KCNQ4: variants seen among roughly 807,000 people sequenced by gnomAD.
KCNQ4 encodes the protein potassium voltage-gated channel subfamily KQT member 4.
In KCNQ4, 31 loss-of-function variants were observed where a neutral mutation model predicts 72.6. The observed-to-expected ratio is 0.43, with a 90% confidence interval of 0.32 to 0.58. The LOEUF (loss-of-function observed/expected upper bound fraction) is 0.58. Ranked by LOEUF, KCNQ4 falls within the 20% of genes least tolerant of loss-of-function variation. KCNQ4 has a pLI of 0.08. For missense variants in KCNQ4, 869 were observed against 962.6 expected (o/e 0.90, Z 1.29); for synonymous variants, 405 against 403.7 (o/e 1.00, Z -0.04).
rs775301465 is a variant in KCNQ4 at position 40,837,794 on chromosome 1, G to A, written c.1875G>A (p.Gln625=). The change falls in exon 13 of 14, where the codon CAG becomes CAA. Residue 625 remains glutamine, a splice_region_variant and synonymous_variant. Transcript: ENST00000347132. The part of the protein sequence containing the change: ...MMGRVVKVEK[Q]VQSIEHKLDL... ...GACGCGTGGTCAAGGTGGAGAAGCA[G>A]GTGAGTGTAGGATGGGGTGGCGGAG... The A allele has an allele frequency of 3.7e-6, 6 of 1,606,782 alleles. No homozygotes were observed. The highest frequency in any genetic ancestry group is 5.1e-6 in the Non-Finnish European group (6 of 1,177,210).
chr1:40,792,982 C>CTTTCT (rs376895043), intron 1 of KCNQ4, among the ~76,000 whole-genome samples: 3 of 142,644 alleles, frequency 2.1e-5, no homozygotes, highest in East Asian at 2.0e-4. Context: ...GTGGGCCCTT[C>CTTTCT]TTTCTTTTCT....
rs776036290 is a variant in KCNQ4, at chr1:40,819,985, C to G, written c.945C>G (p.Ala315=). The change falls in exon 6 of 14, where the codon GCC becomes GCG. Residue 315 remains alanine, a splice_region_variant and synonymous_variant. Coordinates refer to ENST00000347132, the MANE Select transcript of KCNQ4 (RefSeq NM_004700.4). ...LLGISFFALP[A]GILGSGFALK... ...GCATCTCTTTCTTTGCCCTGCCTGC[C>G]GTGAGTTGCCTCCTGCTCAGTTGGT... The G allele has an allele frequency of 6.2e-7, 1 of 1,612,842 alleles. No homozygotes were observed. Among genetic ancestry groups the G allele is most frequent in the Admixed American group, 1.7e-5 (1 of 60,034 alleles).
In KCNQ4 at chr1:40,827,492, G is replaced by T. The variant is rs143480349; in HGVS notation, c.1292+3234G>T. Among the ~76,000 whole-genome samples, 315 of 152,294 alleles carry T rather than the reference G, an allele frequency of 2.1e-3. 1 individual carries two copies. Among genetic ancestry groups the T allele is most frequent in the Non-Finnish European group, 3.7e-3 (250 of 68,012 alleles). On this transcript the variant is annotated intron_variant, in intron 9 of 13. Coordinates refer to ENST00000347132, the MANE Select transcript of KCNQ4 (RefSeq NM_004700.4). ...GGCCCCCCTGAGACTGGACATCAGA[G>T]CGAAGGTTGGGGGCAGAGCTGGGTC...
Position 40,837,652 on chromosome 1 carries a change from C to T in KCNQ4, c.1746-13C>T, listed in dbSNP as rs1284334813. 1.2e-6 allele frequency: 2 copies of T among 1,611,482 alleles called. No homozygotes were observed. The highest frequency in any genetic ancestry group is 1.7e-6 in the Non-Finnish European group (2 of 1,178,850). ...CGTGTCCCCGGGCCCTCTGATGGTT[C>T]CCTTACCCTTAGGGTGGACCAAATT... On this transcript the variant is annotated splice_polypyrimidine_tract_variant and intron_variant, in intron 12 of 13. Coordinates refer to ENST00000347132, the MANE Select transcript of KCNQ4 (RefSeq NM_004700.4).
At position 40,817,338 on chromosome 1, in the gene KCNQ4, G is replaced by A. The variant is rs1231704605; in HGVS notation, c.388G>A (p.Glu130Lys). ...CCAGGAGCACCAGGAACTTGCCAACGAGTGTCTCCTCATCTTGGTAAGTGC... is the reference window on the plus strand; with the variant it reads ...CCAGGAGCACCAGGAACTTGCCAACAAGTGTCTCCTCATCTTGGTAAGTGC... ...TIQEHQELAN[E>K]CLLILEFVMI... The change falls in exon 2 of 14, where the codon GAG (glutamate) becomes AAG (lysine). Residue 130 changes from glutamate (E) to lysine (K), a missense_variant. By Grantham distance (56) the Glu-to-Lys change is moderately conservative. Transcript: ENST00000347132. The surrounding 1 kb of genome is among the most constrained non-coding windows in gnomAD (Gnocchi z 5.5). 1 of 1,613,764 alleles carries A rather than the reference G, an allele frequency of 6.2e-7. No individual in the cohort carries two copies. The highest frequency in any genetic ancestry group is 8.5e-7 in the Non-Finnish European group (1 of 1,179,812).
At chr1:40,810,187 G>A (rs1647892593) in intron 1 of KCNQ4, among the ~76,000 whole-genome samples, 1 of 152,084 alleles carries the variant, frequency 6.6e-6, no homozygotes. Context: ...TTCACTTTAG[G>A]CCACACCATC....
chr1:40,817,347 C>T lies in KCNQ4; in HGVS notation c.397C>T (p.Leu133Phe), dbSNP rs768933585. 3 of 1,613,202 alleles carry T rather than the reference C, an allele frequency of 1.9e-6. No individual in the cohort carries two copies. Among genetic ancestry groups the T allele is most frequent in the African/African-American group, 2.7e-5 (2 of 74,748 alleles). The change falls in exon 2 of 14, where the codon CTC (leucine) becomes TTC (phenylalanine). Residue 133 changes from leucine (L) to phenylalanine (F), a missense_variant. Transcript: ENST00000347132. The surrounding 1 kb of genome is among the most constrained non-coding windows in gnomAD (Gnocchi z 5.5). Reference sequence around the variant, plus strand: ...CCAGGAACTTGCCAACGAGTGTCTCCTCATCTTGGTAAGTGCTGGGAGTCC... The same window carrying T: ...CCAGGAACTTGCCAACGAGTGTCTCTTCATCTTGGTAAGTGCTGGGAGTCC... ...EHQELANECL[L>F]ILEFVMIVVF... is the part of the protein sequence containing the mutation.
chr1:40,835,107 A>C lies in KCNQ4; in HGVS notation c.1745+9A>C. The stretch of plus-strand genomic sequence containing the variant: ...AAGAGCCTGCAAACTCGGTGGGTGC[A>C]CCGGGCCTGTTGGGAGGCAGGGGCA... On this transcript the variant is annotated intron_variant, in intron 12 of 13. Transcript: ENST00000347132. 3 of 1,612,078 alleles carry C rather than the reference A, an allele frequency of 1.9e-6. No individual in the cohort carries two copies. Among genetic ancestry groups the C allele is most frequent in the Non-Finnish European group, 2.5e-6 (3 of 1,178,598 alleles).
At chr1:40,789,129 A>C (rs533784020) in intron 1 of KCNQ4, among the ~76,000 whole-genome samples, 1 of 152,204 alleles carries the variant, frequency 6.6e-6, no homozygotes, top group African/African-American at 2.4e-5. Context: ...GCCACCTTGG[A>C]GGGCAGCCTC....
intron 1 of KCNQ4, among the ~76,000 whole-genome samples, chr1:40,811,843 G>A (rs900405765): frequency 1.3e-5 from 2 of 152,246 alleles, no homozygotes; most frequent in African/African-American, 4.8e-5. Flanking sequence ...TGGCCTGTCT[G>A]CTGGGGAGAT....
Position 40,831,108 on chromosome 1 carries a change from C to A in KCNQ4, c.1317C>A (p.Arg439=). The change falls in exon 10 of 14, where the codon CGC becomes CGA. Residue 439 remains arginine, a synonymous_variant. Transcript: ENST00000347132. ...GCAGCCGGATGGGCATCAAAGACCGCATCCGCATGGGCAGCTCCCAGCGGC... is the reference window on the plus strand; with the variant it reads ...GCAGCCGGATGGGCATCAAAGACCGAATCCGCATGGGCAGCTCCCAGCGGC... ...GESSRMGIKD[R]IRMGSSQRRT... 1 of 1,603,780 alleles carries A rather than the reference C, an allele frequency of 6.2e-7. No individual in the cohort carries two copies.
intron 1 of KCNQ4, among the ~76,000 whole-genome samples, chr1:40,816,143 C>T (rs561638378): frequency 7.2e-5 from 11 of 152,060 alleles, no homozygotes; most frequent in African/African-American, 9.7e-5. Flanking sequence ...GTGCCAGCAA[C>T]GGTGCAGAGG....
rs1647358504 is a variant in KCNQ4, at chr1:40,794,727, TC to T, written c.314+10322del. Among the ~76,000 whole-genome samples the T allele has an allele frequency of 6.6e-6, 1 of 152,206 alleles. No individual in the cohort carries two copies. Among genetic ancestry groups the T allele is most frequent in the African/African-American group, 2.4e-5 (1 of 41,450 alleles). Reference sequence around the variant, plus strand: ...GAAATGATGGGCTGGGAAAAAAATGTCCTTGCTTGGCAAAATAAAAAGTTGA... The same window carrying T: ...GAAATGATGGGCTGGGAAAAAAATGTCTTGCTTGGCAAAATAAAAAGTTGA... On this transcript the variant is annotated intron_variant, in intron 1 of 13. Coordinates refer to ENST00000347132, the MANE Select transcript of KCNQ4 (RefSeq NM_004700.4). This position sits in a 1 kb window ranked among gnomAD's most constrained non-coding sequence, Gnocchi z 4.2.
At chr1:40,806,231 C>T (rs1647756982) in intron 1 of KCNQ4, among the ~76,000 whole-genome samples, 1 of 152,214 alleles carries the variant, frequency 6.6e-6, no homozygotes, top group African/African-American at 2.4e-5. Flanking sequence ...GGAAGGTTTC[C>T]ACTAGCCATC....
intron 9 of KCNQ4, among the ~76,000 whole-genome samples, chr1:40,826,486 C>T (rs889935671): frequency 2.0e-5 from 3 of 152,184 alleles, no homozygotes; most frequent in Non-Finnish European, 2.9e-5. Flanking sequence ...AGAACATCTA[C>T]GTTCTGGTGA....
intron 1 of KCNQ4, among the ~76,000 whole-genome samples, chr1:40,785,360 G>T (rs1345756502): frequency 6.6e-6 from 1 of 152,238 alleles, no homozygotes; most frequent in Admixed American, 6.5e-5. Flanking sequence ...ACGCTGGGAC[G>T]CTCAGAGGTG....
At chr1:40,828,874 T>C (rs1282912803) in intron 9 of KCNQ4, among the ~76,000 whole-genome samples, 1 of 152,242 alleles carries the variant, frequency 6.6e-6, no homozygotes, top group African/African-American at 2.4e-5. Context: ...AACAGTGCCT[T>C]CTTGCATTAA....
chr1:40,835,587 T>C (rs1648787059), intron 12 of KCNQ4, among the ~76,000 whole-genome samples: 1 of 152,188 alleles, frequency 6.6e-6, no homozygotes, highest in Non-Finnish European at 1.5e-5. Context: ...CACTGTCCAC[T>C]CATTCATTTA....
At chr1:40,793,251 C>G (rs1173288303) in intron 1 of KCNQ4, among the ~76,000 whole-genome samples, 2 of 151,970 alleles carry the variant, frequency 1.3e-5, no homozygotes, top group African/African-American at 4.8e-5. Flanking sequence ...GATCCTCCCA[C>G]GGTGGCCTCG....
Sources: gnomAD v4.1 joint callset for allele counts (sites outside exome capture counted in the v4.1 genomes callset) on GRCh38, gnomAD v4.1.1 for gene constraint, Gnocchi (gnomAD v3.1) non-coding constraint, MANE v1.5 for transcripts, NCBI Gene and HGNC (gene_info 2026-07-23, HGNC 2026-07-21) for gene names.